Variants in PPP2R5E observed in about 807,000 individuals in gnomAD.
PPP2R5E encodes the protein protein phosphatase 2 regulatory subunit B'epsilon.
PPP2R5E carries 4 observed loss-of-function variants against 65.3 expected under a neutral mutation model. The ratio of observed to expected loss-of-function variants is 0.06; its 90% confidence interval spans 0.03 to 0.14. The LOEUF (loss-of-function observed/expected upper bound fraction) is 0.14. Among genes scored for constraint, PPP2R5E ranks in the 10% least tolerant of loss-of-function variants. The pLI is 1.00. For missense variants in PPP2R5E, 274 were observed against 556.1 expected, an observed-to-expected ratio of 0.49 and a Z score of 5.10; for synonymous variants, 183 against 187.4, an observed-to-expected ratio of 0.98 and a Z score of 0.19.
intron 2 of PPP2R5E, among the ~76,000 whole-genome samples, chr14:63,465,352 G>GTCAT (rs1889730917): frequency 1.3e-5 from 2 of 148,174 alleles, no homozygotes; most frequent in Non-Finnish European, 3.0e-5. Flanking sequence ...GGTGGCTCAC[G>GTCAT]CCCGTAATCC....
intron 2 of PPP2R5E, among the ~76,000 whole-genome samples, chr14:63,497,235 C>T (rs965463284): frequency 6.6e-6 from 1 of 152,010 alleles, no homozygotes; most frequent in African/African-American, 2.4e-5. Context: ...ACAGTATTTC[C>T]TTTCCCTTCA....
At chr14:63,408,301 T>C (rs532621772) in intron 5 of PPP2R5E, among the ~76,000 whole-genome samples, 18 of 152,234 alleles carry the variant, frequency 1.2e-4, no homozygotes, top group Non-Finnish European at 1.9e-4. Flanking sequence ...TCTCACAGAA[T>C]TGTTGGGTCT....
intron 12 of PPP2R5E, 44 bp downstream of exon 12, chr14:63,384,400 G>C (rs748203634): frequency 6.3e-7 from 1 of 1,581,456 alleles, no homozygotes; most frequent in Non-Finnish European, 8.7e-7. Context: ...GAAAGAAAGA[G>C]AGGAAGGGAG....
At chr14:63,411,786 C>G (rs939036474) in intron 5 of PPP2R5E, among the ~76,000 whole-genome samples, 10 of 152,024 alleles carry the variant, frequency 6.6e-5, no homozygotes, top group African/African-American at 2.2e-4. Flanking sequence ...GAGGCCCTCA[C>G]CAGAAGCAGA....
rs1197544112 is a variant in PPP2R5E at position 63,391,881 on chromosome 14, G to A, written c.904-14C>T. The A allele has an allele frequency of 6.2e-7, 1 of 1,612,794 alleles. No homozygotes were observed. The highest frequency in any genetic ancestry group is 1.7e-5 in the Admixed American group (1 of 59,948). ...CCCCCTAATAACCTAAAATGAAAAG[G>A]AGAAAAACAAATGGCATTTAACTTT... On this transcript the variant is annotated splice_polypyrimidine_tract_variant and intron_variant, in intron 9 of 13. Coordinates refer to ENST00000337537, the MANE Select transcript of PPP2R5E (RefSeq NM_006246.5).
At chr14:63,446,890 A>G (rs1888509829) in intron 3 of PPP2R5E, among the ~76,000 whole-genome samples, 1 of 151,946 alleles carries the variant, frequency 6.6e-6, no homozygotes, top group Admixed American at 6.6e-5. Context: ...TCTCCATTAG[A>G]GCTCTTGGGT....
intron 12 of PPP2R5E, among the ~76,000 whole-genome samples, chr14:63,383,715 T>C (rs1433002497): frequency 1.3e-5 from 2 of 152,182 alleles, no homozygotes; most frequent in African/African-American, 4.8e-5. Flanking sequence ...TTTCCTTCTA[T>C]TCCACAGAGA....
chr14:63,435,173 A>C (rs1887892680), intron 3 of PPP2R5E, among the ~76,000 whole-genome samples: 1 of 152,198 alleles, frequency 6.6e-6, no homozygotes, highest in African/African-American at 2.4e-5. Context: ...AAGTATATAT[A>C]ATTGCTAAAT....
chr14:63,376,032 G>C lies in PPP2R5E; in HGVS notation c.1381C>G (p.Arg461Gly), dbSNP rs201561330. Reference sequence around the variant, plus strand: ...TGTTAAGTTGGAATTATTCCATCACGTCTAAGACCTCTCTTTAACTCCAGA... The same window carrying C: ...TGTTAAGTTGGAATTATTCCATCACCTCTAAGACCTCTCTTTAACTCCAGA... Reference protein sequence around the residue: ...EDLELKRGLRRDGIIPT With the variant: ...EDLELKRGLRGDGIIPT The change falls in exon 14 of 14, where the codon CGT becomes GGT. Residue 461 changes from arginine (R) to glycine (G), a missense_variant. Arg to Gly is a moderately radical substitution (Grantham distance 125). This residue lies in a region of PPP2R5E where 129 missense variants were observed against 254.9 expected (regional missense o/e 0.51). Transcript: ENST00000337537. 2.5e-6 allele frequency: 4 copies of C among 1,601,774 alleles called. No homozygotes were observed. The highest frequency in any genetic ancestry group is 3.4e-6 in the Non-Finnish European group (4 of 1,168,998).
intron 11 of PPP2R5E, among the ~76,000 whole-genome samples, chr14:63,387,244 A>G (rs1228875948): frequency 6.6e-6 from 1 of 152,196 alleles, no homozygotes; most frequent in African/African-American, 2.4e-5. Flanking sequence ...CCAGAATCCA[A>G]TATTTACCTG....
intron 13 of PPP2R5E, among the ~76,000 whole-genome samples, chr14:63,379,826 C>CTTTT (rs558475440): frequency 2.8e-4 from 28 of 100,298 alleles, no homozygotes; most frequent in African/African-American, 4.7e-4. Context: ...TATTCTCTCT[C>CTTTT]TTTTTTTTTT....
At chr14:63,494,192 A>AGTAACTACTTATTCATACCTTAGAAGACT (rs1891426300) in intron 2 of PPP2R5E, among the ~76,000 whole-genome samples, 1 of 152,138 alleles carries the variant, frequency 6.6e-6, no homozygotes, top group Non-Finnish European at 1.5e-5. Context: ...GTCTTAAGTA[A>AGTAACTACTTATTCATACCTTAGAAGACT]GTAACTACTT....
chr14:63,496,306 C>T (rs1266703361), intron 2 of PPP2R5E, among the ~76,000 whole-genome samples: 3 of 151,794 alleles, frequency 2.0e-5, no homozygotes, highest in Admixed American at 6.6e-5. Context: ...AGTTAGAGAC[C>T]AGCCTGGCCA....
intron 5 of PPP2R5E, among the ~76,000 whole-genome samples, chr14:63,401,211 T>C (rs770461856): frequency 1.1e-4 from 16 of 152,170 alleles, no homozygotes; most frequent in Admixed American, 2.6e-4. Context: ...AATATAATAG[T>C]GCACAGGCCA....
rs115998242 is a variant in PPP2R5E at position 63,517,670 on chromosome 14, T to C, written c.157+21859A>G. Reference sequence around the variant, plus strand: ...TGCAGATAATTCTCAATAATTTAAATTATAATAGCTCAGGAAAATTTAAAA... The same window carrying C: ...TGCAGATAATTCTCAATAATTTAAACTATAATAGCTCAGGAAAATTTAAAA... On this transcript the variant is annotated intron_variant, in intron 2 of 13. Transcript: ENST00000337537. 1.0e-2 allele frequency among the ~76,000 whole-genome samples: 1,521 copies of C among 152,320 alleles called. 30 individuals are homozygous for C. Among genetic ancestry groups the C allele is most frequent in the African/African-American group, 0.035 (1,441 of 41,558 alleles).
At chr14:63,484,347 T>TCTCTCTCACA (rs758248092) in intron 2 of PPP2R5E, among the ~76,000 whole-genome samples, 22 of 139,678 alleles carry the variant, frequency 1.6e-4, no homozygotes, top group African/African-American at 4.4e-4. Flanking sequence ...TCTCTCTCTC[T>TCTCTCTCACA]CACACACACA....
chr14:63,415,994 A>G (rs1886663811), intron 4 of PPP2R5E, among the ~76,000 whole-genome samples: 2 of 152,210 alleles, frequency 1.3e-5, no homozygotes, highest in African/African-American at 4.8e-5. Flanking sequence ...GGCAATTTCT[A>G]CTCATCGGAT....
chr14:63,399,734 G>C (rs1321388072), intron 5 of PPP2R5E, among the ~76,000 whole-genome samples: 1 of 152,056 alleles, frequency 6.6e-6, no homozygotes, highest in Non-Finnish European at 1.5e-5. Context: ...ATGTTACTGA[G>C]TTGTTTTTTT....
At chr14:63,466,642 C>A (rs536823774) in intron 2 of PPP2R5E, among the ~76,000 whole-genome samples, 1 of 152,250 alleles carries the variant, frequency 6.6e-6, no homozygotes, top group South Asian at 2.1e-4. Flanking sequence ...TCTGAAATAC[C>A]ATGCCAAGAG....
Sources: gnomAD v4.1 joint callset for allele counts (sites outside exome capture counted in the v4.1 genomes callset) on GRCh38, gnomAD v4.1.1 for gene constraint, gnomAD v4.1.1 regional missense constraint, MANE v1.5 for transcripts, NCBI Gene and HGNC (gene_info 2026-07-23, HGNC 2026-07-21) for gene names.